POLR3B: variants seen among roughly 807,000 people sequenced by gnomAD.
POLR3B encodes the protein RNA polymerase III subunit B.
Under a neutral mutation model 147.4 loss-of-function variants are expected in POLR3B, and 96 were observed. The observed-to-expected ratio is 0.65, with a 90% CI of 0.55 to 0.77. POLR3B has a LOEUF of 0.77. POLR3B is among the 30% of genes least tolerant of loss of function. The probability of loss-of-function intolerance (pLI) is 0.00; values close to 1 mark genes in which losing one functional copy is unlikely to be tolerated. For missense variants in POLR3B, 1,036 were observed against 1,413.5 expected (o/e 0.73, Z 4.28); for synonymous variants, 461 against 485.9 (o/e 0.95, Z 0.67).
intron 11 of POLR3B, among the ~76,000 whole-genome samples, chr12:106,407,279 TG>T (rs1271655873): frequency 6.6e-6 from 1 of 152,220 alleles, no homozygotes; most frequent in Non-Finnish European, 1.5e-5. Context: ...ACATCCTAAC[TG>T]ATGAACTTTG....
chr12:106,367,958 T>C (rs1469453976), intron 4 of POLR3B, among the ~76,000 whole-genome samples: 1 of 152,182 alleles, frequency 6.6e-6, no homozygotes. Context: ...ATACTGGAAT[T>C]CTGTACAGAA....
At position 106,421,060 on chromosome 12, in the gene POLR3B, G is replaced by T. The variant is rs982365134; in HGVS notation, c.1102-6137G>T. On this transcript the variant is annotated intron_variant, in intron 12 of 27. Transcript: ENST00000228347. The stretch of plus-strand genomic sequence containing the variant: ...GATCCATATACCGTATAATTTCTCT[G>T]CAATTTTTTTCTTCTTTCAACATTA... Among the ~76,000 whole-genome samples the T allele has an allele frequency of 2.6e-5, 4 of 151,886 alleles. No individual in the cohort carries two copies. In the East Asian group the frequency reaches 7.7e-4, roughly 29 times the overall value.
At chr12:106,376,933 G>C (rs2036689233) in intron 7 of POLR3B, among the ~76,000 whole-genome samples, 1 of 152,138 alleles carries the variant, frequency 6.6e-6, no homozygotes, top group Admixed American at 6.5e-5. Flanking sequence ...AAGACATACT[G>C]TTTCCTCTTT....
chr12:106,432,460 T>C lies in POLR3B; in HGVS notation c.1607T>C (p.Val536Ala). 1.9e-6 allele frequency: 3 copies of C among 1,613,182 alleles called. No homozygotes were observed. The highest frequency in any genetic ancestry group is 2.5e-6 in the Non-Finnish European group (3 of 1,179,146). Residue 536 changes from valine (V) to alanine (A), a missense_variant, in exon 15 of 28, where the codon GTG becomes GCG. Transcript: ENST00000228347. The stretch of plus-strand genomic sequence containing the variant: ...GGGGAAGAGCTCTCTTACCCAAATG[T>C]GTTTCTTGTCTTTCTTAATGGTGGG... Reference protein sequence around the residue: ...LCGEELSYPNVFLVFLNGNIL... With the variant: ...LCGEELSYPNAFLVFLNGNIL...
At chr12:106,385,969 CA>C (rs1163191684) in intron 9 of POLR3B, among the ~76,000 whole-genome samples, 1 of 152,132 alleles carries the variant, frequency 6.6e-6, no homozygotes. Context: ...TTTTTAAGCA[CA>C]AAAGTAATTT....
At chr12:106,477,521 G>A (rs1246521875) in intron 23 of POLR3B, among the ~76,000 whole-genome samples, 6 of 150,918 alleles carry the variant, frequency 4.0e-5, no homozygotes, top group African/African-American at 7.4e-5. Flanking sequence ...GCGAGACTCC[G>A]TGGGCGTAGG....
At position 106,369,630 on chromosome 12, in the gene POLR3B, T is replaced by C; in HGVS notation, c.351T>C (p.Ile117=). Residue 117 remains isoleucine, a synonymous_variant, in exon 6 of 28, where the codon ATT becomes ATC. Transcript: ENST00000228347. ...ACTCTGCCCCTATTACAGTGGATAT[T>C]GAATATACCCGAGGCAGCCAGAGGA... ...MTYSAPITVD[I]EYTRGSQRII... is the part of the protein sequence containing the mutation. The C allele has an allele frequency of 1.9e-6, 3 of 1,613,562 alleles. No homozygotes were observed. The highest frequency in any genetic ancestry group is 2.5e-6 in the Non-Finnish European group (3 of 1,179,512).
At chr12:106,468,090 T>C (rs2038032071) in intron 23 of POLR3B, among the ~76,000 whole-genome samples, 1 of 152,198 alleles carries the variant, frequency 6.6e-6, no homozygotes, top group African/African-American at 2.4e-5. Flanking sequence ...CCTGGACTTT[T>C]TTTGGTTGGT....
At chr12:106,465,191 C>T (rs190996580) in intron 23 of POLR3B, among the ~76,000 whole-genome samples, 5 of 152,252 alleles carry the variant, frequency 3.3e-5, no homozygotes, top group African/African-American at 7.2e-5. Context: ...TAACCTTATT[C>T]GCTAGGTCAT....
chr12:106,403,030 G>A (rs1465945460), intron 10 of POLR3B, among the ~76,000 whole-genome samples: 8 of 149,088 alleles, frequency 5.4e-5, no homozygotes, highest in African/African-American at 1.7e-4. Context: ...GCAACCTACA[G>A]AATGGGAGAA....
chr12:106,377,084 CCTGGTTGAAAAAAATCAAGTATCACACTT>C (rs2036691699), intron 7 of POLR3B, among the ~76,000 whole-genome samples: 1 of 151,904 alleles, frequency 6.6e-6, no homozygotes, highest in African/African-American at 2.4e-5. Flanking sequence ...ACTGGCCTTG[CCTGGTTGAAAAAAATCAAGTATCACACTT>C]CAGGGTGTTT....
intron 4 of POLR3B, among the ~76,000 whole-genome samples, 183 bp downstream of exon 4, chr12:106,366,905 A>T (rs1207521852): frequency 6.6e-6 from 1 of 152,192 alleles, no homozygotes; most frequent in East Asian, 1.9e-4. Flanking sequence ...AGAGTTCGAG[A>T]CCAGCCTGGC....
chr12:106,509,443 G>A lies in POLR3B; in HGVS notation c.3296G>A (p.Cys1099Tyr). The stretch of plus-strand genomic sequence containing the variant: ...AGGTGCCATTACTGCAAGTCATCCT[G>A]CCACGTGTCTTCCCTCCGTATTCCG... ...SGWCHYCKSS[C>Y]HVSSLRIPYA... is the part of the protein sequence containing the mutation. Residue 1099 changes from cysteine to tyrosine, a missense_variant, in exon 28 of 28, where the codon TGC (cysteine) becomes TAC (tyrosine). Physicochemically the swap from Cys to Tyr is radical, Grantham distance 194. Transcript: ENST00000228347. 6.2e-7 allele frequency: 1 copy of A among 1,613,826 alleles called. No homozygotes were observed. The highest frequency in any genetic ancestry group is 8.5e-7 in the Non-Finnish European group (1 of 1,179,832).
intron 6 of POLR3B, 82 bp downstream of exon 6, chr12:106,369,765 G>T (rs529019594): frequency 1.6e-5 from 14 of 884,860 alleles, no homozygotes; most frequent in Non-Finnish European, 2.3e-5. Context: ...TCTGAAAAAT[G>T]CAGGAAATGC....
At chr12:106,508,346 G>A (rs4447260) in intron 27 of POLR3B, among the ~76,000 whole-genome samples, 3 of 152,330 alleles carry the variant, frequency 2.0e-5, no homozygotes, top group African/African-American at 7.2e-5. Context: ...CTGCCCTCCA[G>A]AATGGCCAAT....
Position 106,509,461 on chromosome 12 carries a change from G to A in POLR3B, c.3314G>A (p.Arg1105His), listed in dbSNP as rs762004021. The A allele has an allele frequency of 2.6e-5, 42 of 1,613,392 alleles. No homozygotes were observed. The highest frequency in any genetic ancestry group is 1.2e-4 in the South Asian group (11 of 91,068). Residue 1105 changes from arginine to histidine, a missense_variant, in exon 28 of 28, where the codon CGT (arginine) becomes CAT (histidine). By Grantham distance (29) the Arg-to-His change is conservative. This residue lies in a region of POLR3B where 69 missense variants were observed against 89.8 expected (regional missense o/e 0.77). Transcript: ENST00000228347. ...TCATCCTGCCACGTGTCTTCCCTCC[G>A]TATTCCGTATGCCTGCAAGCTGCTC... ...CKSSCHVSSL[R>H]IPYACKLLFQ...
At chr12:106,487,869 C>G (rs1175923543) in intron 23 of POLR3B, among the ~76,000 whole-genome samples, 1 of 152,094 alleles carries the variant, frequency 6.6e-6, no homozygotes, top group Non-Finnish European at 1.5e-5. Context: ...CTGGAATAAG[C>G]GAGTCAATAC....
chr12:106,391,100 G>A (rs1306234291), intron 9 of POLR3B, among the ~76,000 whole-genome samples: 1 of 152,182 alleles, frequency 6.6e-6, no homozygotes, highest in East Asian at 1.9e-4. Flanking sequence ...GTTATCTGAA[G>A]GCTGAACTGA....
chr12:106,423,180 T>C (rs1481196497), intron 12 of POLR3B, among the ~76,000 whole-genome samples: 1 of 152,192 alleles, frequency 6.6e-6, no homozygotes, highest in Non-Finnish European at 1.5e-5. Flanking sequence ...TCTTGTTTCC[T>C]CTGTACCCTT....
Sources: gnomAD v4.1 joint callset for allele counts (sites outside exome capture counted in the v4.1 genomes callset) on GRCh38, gnomAD v4.1.1 for gene constraint, gnomAD v4.1.1 regional missense constraint, MANE v1.5 for transcripts, NCBI Gene and HGNC (gene_info 2026-07-23, HGNC 2026-07-21) for gene names.